The following YEATS4 variants were observed in gnomAD, a reference collection of about 807,000 sequenced individuals.
The protein encoded by YEATS4 is YEATS domain containing 4, also known as YEATS domain-containing protein 4.
In YEATS4, 17 loss-of-function variants were observed where a neutral mutation model predicts 30.1. That is an observed-to-expected ratio of 0.56 (90% CI 0.39 to 0.85). YEATS4 has a LOEUF of 0.85. Among genes scored for constraint, YEATS4 ranks in the 40% least tolerant of loss-of-function variants. The pLI is 0.00. For synonymous variants in YEATS4, 85 were observed against 87.5 expected (o/e 0.97, Z 0.16); for missense variants, 142 against 268.3 (o/e 0.53, Z 3.29).
intron 6 of YEATS4, among the ~76,000 whole-genome samples, chr12:69,382,865 A>C (rs1876131696): frequency 6.6e-6 from 1 of 152,206 alleles, no homozygotes; most frequent in South Asian, 2.1e-4. Flanking sequence ...AAGAAAAGCA[A>C]AGGATGACTT....
At chr12:69,402,915 G>A in the YEATS4 span, among the ~76,000 whole-genome samples, 3 of 151,096 alleles carry the variant, frequency 2.0e-5, no homozygotes, top group African/African-American at 7.3e-5. Flanking sequence ...TAGAGACAGG[G>A]TTTCACCATA....
intron 1 of YEATS4, among the ~76,000 whole-genome samples, chr12:69,361,776 C>T (rs1875220346): frequency 6.6e-6 from 1 of 152,194 alleles, no homozygotes; most frequent in South Asian, 2.1e-4. Flanking sequence ...TGTCAATACG[C>T]ACTGCCTTTG....
chr12:69,368,955 C>T (rs1336982679), intron 4 of YEATS4, among the ~76,000 whole-genome samples: 1 of 152,146 alleles, frequency 6.6e-6, no homozygotes, highest in African/African-American at 2.4e-5. Flanking sequence ...GGCTTCGTAT[C>T]TTTTGCCTGC....
At chr12:69,417,192 C>G in the YEATS4 span, among the ~76,000 whole-genome samples, 2 of 123,554 alleles carry the variant, frequency 1.6e-5, no homozygotes, top group Non-Finnish European at 3.2e-5. Context: ...GAATCTCACT[C>G]TGTTGCCCAG....
downstream of YEATS4, among the ~76,000 whole-genome samples, chr12:69,391,371 C>G (rs949269448): frequency 6.6e-6 from 1 of 152,086 alleles, no homozygotes; most frequent in Non-Finnish European, 1.5e-5. Context: ...TCATGCACTA[C>G]TCCTACCCTC....
At chr12:69,411,463 G>A in the YEATS4 span, among the ~76,000 whole-genome samples, 1 of 152,260 alleles carries the variant, frequency 6.6e-6, no homozygotes, top group African/African-American at 2.4e-5. Context: ...GAATATGTCA[G>A]CAAATAAACA....
At chr12:69,422,047 G>A in the YEATS4 span, among the ~76,000 whole-genome samples, 2 of 152,126 alleles carry the variant, frequency 1.3e-5, no homozygotes, top group Admixed American at 6.6e-5. Flanking sequence ...TCTGATGGGT[G>A]TGTTATGGTT....
At chr12:69,421,892 G>A in the YEATS4 span, among the ~76,000 whole-genome samples, 4 of 152,130 alleles carry the variant, frequency 2.6e-5, no homozygotes, top group East Asian at 1.9e-4. Flanking sequence ...TAAAAACACC[G>A]TGAAGGTTGA....
intron 2 of YEATS4, 38 bp from the exon 3 acceptor site, chr12:69,365,595 T>C (rs1371201634): frequency 2.1e-6 from 3 of 1,456,680 alleles, no homozygotes; most frequent in Non-Finnish European, 2.9e-6. Flanking sequence ...TAGTTTTCAT[T>C]TGTAGATCAT....
chr12:69,388,264 G>C (rs10878975), intron 6 of YEATS4, among the ~76,000 whole-genome samples: 61,045 of 151,966 alleles, frequency 0.4, 12,558 homozygotes, highest in Non-Finnish European at 0.46. Context: ...GTTTTACCGT[G>C]TATTGCATGT....
At position 69,390,132 on chromosome 12, in the gene YEATS4, A is replaced by T; in HGVS notation, c.515-15A>T. On this transcript the variant is annotated splice_polypyrimidine_tract_variant and intron_variant, in intron 6 of 6. Transcript: ENST00000247843. ...GTGAGAAAAATACTTTAGTAAAAGT[A>T]TTTGTTTTCTTTAGTTGCAGAGCTT... is the stretch of plus-strand genomic sequence containing the variant. 6.4e-7 allele frequency: 1 copy of T among 1,567,028 alleles called. No individual in the cohort carries two copies. The highest frequency in any genetic ancestry group is 8.6e-7 in the Non-Finnish European group (1 of 1,166,140).
chr12:69,370,683 T>G, intron 4 of YEATS4, 23 bp from the exon 5 acceptor site: 1 of 1,517,930 alleles, frequency 6.6e-7, no homozygotes, highest in Non-Finnish European at 8.8e-7. Context: ...TGCACAGATT[T>G]GACATCTGTT....
intron 6 of YEATS4, among the ~76,000 whole-genome samples, chr12:69,372,011 A>G (rs915265658): frequency 1.3e-5 from 2 of 152,198 alleles, no homozygotes; most frequent in African/African-American, 4.8e-5. Context: ...CAAGAAGTCC[A>G]GTGTGACTAG....
chr12:69,390,998 TATTA>T (rs1868311439), downstream of YEATS4, among the ~76,000 whole-genome samples: 1 of 152,206 alleles, frequency 6.6e-6, no homozygotes, highest in African/African-American at 2.4e-5. Context: ...CATACAAATA[TATTA>T]ATTCTTAGGG....
chr12:69,371,103 GT>G (rs1875620818), intron 6 of YEATS4, 128 bp downstream of exon 6: 3 of 830,122 alleles, frequency 3.6e-6, no homozygotes, highest in Non-Finnish European at 5.5e-6. Flanking sequence ...AAAAAACACA[GT>G]TTGTATTACA....
At chr12:69,360,629 G>A (rs1875161527) in intron 1 of YEATS4, among the ~76,000 whole-genome samples, 1 of 149,970 alleles carries the variant, frequency 6.7e-6, no homozygotes, top group African/African-American at 2.4e-5. Flanking sequence ...GTTTGACATT[G>A]TAATATTTAT....
At chr12:69,407,897 G>A in the YEATS4 span, among the ~76,000 whole-genome samples, 1 of 151,864 alleles carries the variant, frequency 6.6e-6, no homozygotes, top group Non-Finnish European at 1.5e-5. Context: ...TGTATTTTTA[G>A]TAGAGACAGG....
chr12:69,382,525 T>G (rs1876121066), intron 6 of YEATS4, among the ~76,000 whole-genome samples: 1 of 152,232 alleles, frequency 6.6e-6, no homozygotes, highest in South Asian at 2.1e-4. Context: ...AAATATTTAC[T>G]TAAGGCCCAA....
At chr12:69,409,628 AG>A in the YEATS4 span, among the ~76,000 whole-genome samples, 1 of 151,256 alleles carries the variant, frequency 6.6e-6, no homozygotes, top group Non-Finnish European at 1.5e-5. Flanking sequence ...AAAAAAAAAA[AG>A]ATATATATAT....
Sources: allele counts gnomAD v4.1 joint callset (sites outside exome capture counted in the v4.1 genomes callset), GRCh38; gene constraint gnomAD v4.1.1; transcripts MANE v1.5; gene names NCBI Gene and HGNC (gene_info 2026-07-23, HGNC 2026-07-21).